Variants in CALD1 observed in about 807,000 individuals in gnomAD.
CALD1 encodes caldesmon 1.
In CALD1, 33 loss-of-function variants were observed where a neutral mutation model predicts 99.9. That is an observed-to-expected ratio of 0.33 (90% CI 0.25 to 0.44). CALD1 has a LOEUF of 0.44. CALD1 is among the 20% of genes least tolerant of loss of function. CALD1 has a pLI of 1.00. For missense variants in CALD1, 861 were observed against 962.1 expected (o/e 0.89, Z 1.39); for synonymous variants, 310 against 325.0 (o/e 0.95, Z 0.50).
intron 1 of CALD1, among the ~76,000 whole-genome samples, chr7:134,818,608 T>A (rs1798649794): frequency 6.6e-6 from 1 of 152,192 alleles, no homozygotes; most frequent in Non-Finnish European, 1.5e-5. Flanking sequence ...TTGACCCAGA[T>A]GAAGCCAATT....
In CALD1 at chr7:134,968,372, A is replaced by G. The variant is rs756203762; in HGVS notation, c.*27A>G. ...ACAGTTCCAGAAAGAACCCAAGCTC[A>G]AGACGCAGGACGAGCTCAGTTGTAG... On this transcript the variant is annotated 3_prime_UTR_variant, in exon 15 of 15. Transcript: ENST00000361675. 5.0e-6 allele frequency: 8 copies of G among 1,609,918 alleles called. No individual in the cohort carries two copies. Among genetic ancestry groups the G allele is most frequent in the South Asian group, 1.1e-5 (1 of 90,968 alleles).
intron 1 of CALD1, among the ~76,000 whole-genome samples, chr7:134,760,648 C>T (rs945480472): frequency 6.6e-6 from 1 of 152,048 alleles, no homozygotes; most frequent in Admixed American, 6.6e-5. Context: ...TAAAACAGTG[C>T]ATTTACATAA....
upstream of CALD1, among the ~76,000 whole-genome samples, chr7:134,742,682 G>A (rs781722898): frequency 4.6e-5 from 7 of 152,300 alleles, no homozygotes; most frequent in Admixed American, 3.9e-4. Context: ...GAGAAACAGC[G>A]GTTCCTCTGC....
chr7:134,835,900 A>G (rs2132107766), intron 1 of CALD1, among the ~76,000 whole-genome samples: 2 of 152,148 alleles, frequency 1.3e-5, no homozygotes, highest in Middle Eastern at 6.8e-3. Flanking sequence ...AATCCCAGAA[A>G]TTTGGGAGGC....
chr7:134,810,131 TG>T (rs1271999330), intron 1 of CALD1, among the ~76,000 whole-genome samples: 2 of 152,224 alleles, frequency 1.3e-5, no homozygotes, highest in African/African-American at 2.4e-5. Flanking sequence ...GGATCATAAA[TG>T]CTTACTAAAA....
intron 1 of CALD1, among the ~76,000 whole-genome samples, chr7:134,823,109 A>G (rs1798847209): frequency 6.6e-6 from 1 of 152,202 alleles, no homozygotes; most frequent in African/African-American, 2.4e-5. Flanking sequence ...GGGAAGATGT[A>G]TGCCTCTATA....
At chr7:134,711,683 TGTG>T in the CALD1 span, among the ~76,000 whole-genome samples, 1 of 17,154 alleles carries the variant, frequency 5.8e-5, no homozygotes, top group Non-Finnish European at 2.5e-4. Flanking sequence ...TATATATATG[TGTG>T]TGTGTGTGTG....
chr7:134,963,965 G>A (rs1209586594), intron 13 of CALD1, among the ~76,000 whole-genome samples: 1 of 152,224 alleles, frequency 6.6e-6, no homozygotes, highest in Non-Finnish European at 1.5e-5. Context: ...TTGAGAGGCT[G>A]AGGCGGGCAG....
chr7:134,789,321 T>C (rs1797430784), intron 1 of CALD1, among the ~76,000 whole-genome samples: 1 of 152,168 alleles, frequency 6.6e-6, no homozygotes, highest in South Asian at 2.1e-4. Flanking sequence ...CCCGGGATAA[T>C]CTGGAGGCAC....
At chr7:134,958,891 A>ATATATATTTAAC (rs1554479137) in intron 11 of CALD1, among the ~76,000 whole-genome samples, 1 of 142,292 alleles carries the variant, frequency 7.0e-6, no homozygotes, top group East Asian at 2.0e-4. Context: ...ATATATATAT[A>ATATATATTTAAC]TATATATATA....
At chr7:134,867,881 G>C in intron 3 of CALD1, 77 bp downstream of exon 3, 1 of 893,466 alleles carries the variant, frequency 1.1e-6, no homozygotes, top group Non-Finnish European at 1.7e-6. Flanking sequence ...CCATCCTTTT[G>C]AGAGGCCAAA....
At chr7:134,755,498 C>T (rs1796720140) in intron 1 of CALD1, among the ~76,000 whole-genome samples, 2 of 152,138 alleles carry the variant, frequency 1.3e-5, no homozygotes, top group South Asian at 4.1e-4. Context: ...TTCCCATATT[C>T]TTTGCCCATT....
upstream of CALD1, among the ~76,000 whole-genome samples, chr7:134,778,137 G>A (rs1009747131): frequency 6.6e-6 from 1 of 152,150 alleles, no homozygotes; most frequent in Non-Finnish European, 1.5e-5. Flanking sequence ...TTTGGGCTGT[G>A]CAGCAGTAGC....
intron 2 of CALD1, among the ~76,000 whole-genome samples, chr7:134,858,144 G>C (rs977222806): frequency 3.3e-5 from 5 of 150,934 alleles, no homozygotes; most frequent in African/African-American, 1.2e-4. Context: ...CTACTTTTAT[G>C]TAAAATATGG....
chr7:134,912,904 A>G (rs956372072), intron 3 of CALD1, among the ~76,000 whole-genome samples: 1 of 152,156 alleles, frequency 6.6e-6, no homozygotes, highest in Non-Finnish European at 1.5e-5. Flanking sequence ...CAGATTTAAG[A>G]TATTAGTACT....
At chr7:134,770,233 G>T (rs930427634) in intron 1 of CALD1, among the ~76,000 whole-genome samples, 6 of 152,168 alleles carry the variant, frequency 3.9e-5, no homozygotes, top group African/African-American at 1.4e-4. Flanking sequence ...TGGACTCACC[G>T]GCCCAGCCCC....
intron 1 of CALD1, among the ~76,000 whole-genome samples, chr7:134,786,136 T>C (rs1563000485): frequency 6.6e-6 from 1 of 152,198 alleles, no homozygotes; most frequent in Non-Finnish European, 1.5e-5. Context: ...CTGTAGGTTT[T>C]TAACCTCTGG....
intron 2 of CALD1, among the ~76,000 whole-genome samples, chr7:134,861,408 T>C (rs1800558717): frequency 6.6e-6 from 1 of 152,212 alleles, no homozygotes; most frequent in Non-Finnish European, 1.5e-5. Context: ...GAAACATCAC[T>C]GAGTTGCAGC....
intron 6 of CALD1, among the ~76,000 whole-genome samples, chr7:134,937,124 G>A (rs890569724): frequency 1.3e-5 from 2 of 152,120 alleles, no homozygotes; most frequent in Non-Finnish European, 2.9e-5. Context: ...AAACACATGG[G>A]GGAAGGGAGG....
Sources: allele counts gnomAD v4.1 joint callset (sites outside exome capture counted in the v4.1 genomes callset), GRCh38; gene constraint gnomAD v4.1.1; transcripts MANE v1.5; gene names NCBI Gene and HGNC (gene_info 2026-07-23, HGNC 2026-07-21).